The following TENM4 variants were observed in gnomAD, a reference collection of about 807,000 sequenced individuals.
TENM4 encodes the protein teneurin transmembrane protein 4.
Under a neutral mutation model 243.3 loss-of-function variants are expected in TENM4, and 82 were observed. The observed-to-expected ratio is 0.34, with a 90% CI of 0.28 to 0.40. The LOEUF (loss-of-function observed/expected upper bound fraction) is 0.40, where lower values mean the gene tolerates loss of function less well. Among genes scored for constraint, TENM4 ranks in the 10% least tolerant of loss-of-function variants. The probability of loss-of-function intolerance (pLI) is 1.00; values close to 1 mark genes in which losing one functional copy is unlikely to be tolerated. For missense variants in TENM4, 3,138 were observed against 3,673.3 expected (o/e 0.85, Z 3.77); for synonymous variants, 1,412 against 1,456.3 (o/e 0.97, Z 0.69).
At chr11:79,291,334 T>C (rs577018240) in intron 2 of TENM4, among the ~76,000 whole-genome samples, 1 of 152,344 alleles carries the variant, frequency 6.6e-6, no homozygotes, top group East Asian at 1.9e-4. Flanking sequence ...GGTTTTCCTC[T>C]GTCCAAAGAA....
Position 78,976,952 on chromosome 11 carries a change from A to G in TENM4, c.494-73429T>C, listed in dbSNP as rs116445220. On this transcript the variant is annotated intron_variant, in intron 6 of 33. Transcript: ENST00000278550. ...CCAACATAGCTCCGTAACAGGAATC[A>G]CTCTCGCACTCAGCAATATTACTTG... is the stretch of plus-strand genomic sequence containing the variant. Among the ~76,000 whole-genome samples the G allele has an allele frequency of 4.2e-3, 639 of 152,218 alleles. 4 individuals carry two copies. The highest frequency in any genetic ancestry group is 0.015 in the African/African-American group (610 of 41,530).
intron 21 of TENM4, among the ~76,000 whole-genome samples, chr11:78,732,083 G>A (rs1215012052): frequency 1.3e-5 from 2 of 152,088 alleles, no homozygotes; most frequent in Non-Finnish European, 2.9e-5. Flanking sequence ...AAACCAGAGT[G>A]TGCCAGGCAG....
Position 79,089,835 on chromosome 11 carries a change from TTG to T in TENM4, c.-65-19828_-65-19827del, listed in dbSNP as rs539252735. 2.0e-3 allele frequency among the ~76,000 whole-genome samples: 309 copies of T among 152,282 alleles called. 1 individual carries two copies. Among genetic ancestry groups the T allele is most frequent in the African/African-American group, 5.1e-3 (211 of 41,560 alleles). Reference sequence around the variant, plus strand: ...GCTCCCACTAGGTGTCTGGTGATATTTGTGTGCTGTTGTGTTGCCATTTTATA... The same window carrying T: ...GCTCCCACTAGGTGTCTGGTGATATTTGTGCTGTTGTGTTGCCATTTTATA... On this transcript the variant is annotated intron_variant, in intron 4 of 33. Coordinates refer to ENST00000278550, the MANE Select transcript of TENM4 (RefSeq NM_001098816.3).
intron 6 of TENM4, among the ~76,000 whole-genome samples, chr11:79,010,099 G>A (rs993582489): frequency 2.0e-5 from 3 of 152,234 alleles, no homozygotes; most frequent in Admixed American, 2.0e-4. Context: ...GGAACTGTGA[G>A]TCAATTAAAC....
chr11:78,994,121 G>A (rs142753581), intron 6 of TENM4, among the ~76,000 whole-genome samples: 271 of 152,300 alleles, frequency 1.8e-3, no homozygotes, highest in Admixed American at 4.4e-3. Flanking sequence ...CCTAAAGCAT[G>A]GCCTTTCTCC....
chr11:79,405,309 C>T (rs536513619), intron 1 of TENM4, among the ~76,000 whole-genome samples: 1 of 152,198 alleles, frequency 6.6e-6, no homozygotes, highest in Non-Finnish European at 1.5e-5. Context: ...AGGAACTCTT[C>T]CCAATTTTCA....
chr11:78,731,058 G>A (rs903326147), intron 21 of TENM4, among the ~76,000 whole-genome samples: 1 of 152,188 alleles, frequency 6.6e-6, no homozygotes, highest in African/African-American at 2.4e-5. Context: ...GTTTGTTTAT[G>A]TGTATTTCAT....
chr11:78,731,347 G>A (rs1188176190), intron 21 of TENM4, among the ~76,000 whole-genome samples: 2 of 152,240 alleles, frequency 1.3e-5, no homozygotes, highest in Non-Finnish European at 2.9e-5. Flanking sequence ...ACCTGTGAGT[G>A]CAATGAGAAT....
intron 6 of TENM4, among the ~76,000 whole-genome samples, chr11:78,972,638 G>A (rs1278111341): frequency 1.3e-5 from 2 of 151,970 alleles, no homozygotes; most frequent in Admixed American, 1.3e-4. Flanking sequence ...TATTTGATGA[G>A]GACTTTCACT....
At chr11:79,074,949 C>G (rs928209307) in intron 4 of TENM4, among the ~76,000 whole-genome samples, 1 of 152,230 alleles carries the variant, frequency 6.6e-6, no homozygotes, top group African/African-American at 2.4e-5. Flanking sequence ...AGGGCTGGCT[C>G]TCAGACCCTG....
chr11:79,192,585 G>A (rs1197242577), intron 3 of TENM4, among the ~76,000 whole-genome samples: 1 of 151,796 alleles, frequency 6.6e-6, no homozygotes, highest in Non-Finnish European at 1.5e-5. Flanking sequence ...TCGTTTAAGA[G>A]TCATCACCAC....
At chr11:79,195,442 TACCC>T (rs1403117674) in intron 3 of TENM4, among the ~76,000 whole-genome samples, 7 of 152,156 alleles carry the variant, frequency 4.6e-5, no homozygotes, top group Admixed American at 2.0e-4. Flanking sequence ...AGGAAGGCTG[TACCC>T]TGCAAAGCCA....
At position 79,433,688 on chromosome 11, in the gene TENM4, G is replaced by A. The variant is rs76459599; in HGVS notation, c.-321+6821C>T. ...TGTAAAGCCAGTGCAGAACACACAG[G>A]GAAAGGGAACCGGGGTGCTGACCAC... On this transcript the variant is annotated intron_variant, in intron 1 of 33. Coordinates refer to ENST00000278550, the MANE Select transcript of TENM4 (RefSeq NM_001098816.3). Among the ~76,000 whole-genome samples, 885 of 152,318 alleles carry A rather than the reference G, an allele frequency of 5.8e-3. 1 individual carries two copies. The highest frequency in any genetic ancestry group is 0.011 in the Admixed American group (166 of 15,304).
chr11:79,388,295 C>A (rs1166772242), intron 1 of TENM4, among the ~76,000 whole-genome samples: 1 of 152,208 alleles, frequency 6.6e-6, no homozygotes, highest in Non-Finnish European at 1.5e-5. Context: ...AGCAACCATA[C>A]TTTCTTTCCT....
chr11:79,429,396 G>A (rs888272478), intron 1 of TENM4, among the ~76,000 whole-genome samples: 1 of 152,266 alleles, frequency 6.6e-6, no homozygotes, highest in African/African-American at 2.4e-5. Flanking sequence ...CCAGAAGCAG[G>A]AGCCAGCGGA....
At chr11:79,270,616 C>T (rs547159925) in intron 2 of TENM4, among the ~76,000 whole-genome samples, 1 of 152,224 alleles carries the variant, frequency 6.6e-6, no homozygotes, top group East Asian at 1.9e-4. Flanking sequence ...GTGAACTTTT[C>T]ATTTCTATTC....
At chr11:79,390,979 T>C (rs919318927) in intron 1 of TENM4, among the ~76,000 whole-genome samples, 2 of 152,224 alleles carry the variant, frequency 1.3e-5, no homozygotes, top group Non-Finnish European at 2.9e-5. Flanking sequence ...AGTCTAACTC[T>C]TGTTTGCTTG....
rs78834054 is a variant in TENM4, at chr11:78,689,288, G to A, written c.5088-1062C>T. Among the ~76,000 whole-genome samples, 581 of 152,310 alleles carry A rather than the reference G, an allele frequency of 3.8e-3. 1 individual carries two copies. The highest frequency in any genetic ancestry group is 0.013 in the African/African-American group (534 of 41,570). On this transcript the variant is annotated intron_variant, in intron 28 of 33. Coordinates refer to ENST00000278550, the MANE Select transcript of TENM4 (RefSeq NM_001098816.3). The stretch of plus-strand genomic sequence containing the variant: ...TCAACACATGCGCTCCTCCCTGGCA[G>A]GAGTGGGCTATTAACATTTTAATTA...
intron 3 of TENM4, among the ~76,000 whole-genome samples, chr11:79,149,726 G>A (rs1041811449): frequency 6.6e-6 from 1 of 151,238 alleles, no homozygotes; most frequent in East Asian, 2.0e-4. Flanking sequence ...TGCATTCTCT[G>A]GCTGTCGGGT....
Sources: allele counts gnomAD v4.1 joint callset (sites outside exome capture counted in the v4.1 genomes callset), GRCh38; gene constraint gnomAD v4.1.1; transcripts MANE v1.5; gene names NCBI Gene and HGNC (gene_info 2026-07-23, HGNC 2026-07-21).